The following CRPPA variants were observed in gnomAD, a reference collection of about 807,000 sequenced individuals.
CRPPA encodes the protein D-ribitol-5-phosphate cytidylyltransferase.
A neutral mutation model predicts 52.0 loss-of-function variants in CRPPA; 43 were observed. The ratio of observed to expected loss-of-function variants is 0.83; its 90% CI spans 0.65 to 1.07. The LOEUF is 1.07. Ranked by LOEUF, CRPPA falls within the 50% of genes least tolerant of loss-of-function variation. The probability of loss-of-function intolerance (pLI) is 0.00; values close to 1 mark genes in which losing one functional copy is unlikely to be tolerated. For synonymous variants in CRPPA, 250 were observed against 203.5 expected (o/e 1.23, Z -1.94); for missense variants, 629 against 551.7 (o/e 1.14, Z -1.40).
chr7:16,160,349 G>A (rs976252397), intron 9 of CRPPA, among the ~76,000 whole-genome samples: 3 of 152,154 alleles, frequency 2.0e-5, no homozygotes, highest in Non-Finnish European at 4.4e-5. Context: ...TTTGAATAAG[G>A]TATAAGGAAG....
At chr7:16,298,388 T>G (rs1000748239) in intron 5 of CRPPA, among the ~76,000 whole-genome samples, 7 of 152,160 alleles carry the variant, frequency 4.6e-5, no homozygotes, top group Admixed American at 6.5e-5. Flanking sequence ...GGCAGAGACT[T>G]GTGGTTAACA....
intron 9 of CRPPA, among the ~76,000 whole-genome samples, chr7:16,206,552 G>C (rs1360919245): frequency 1.3e-5 from 2 of 151,372 alleles, no homozygotes; most frequent in African/African-American, 2.4e-5. Flanking sequence ...TGAGCCATAA[G>C]TACAAATTCT....
At chr7:16,092,197 C>T (rs189311422) in intron 9 of CRPPA, among the ~76,000 whole-genome samples, 4 of 152,020 alleles carry the variant, frequency 2.6e-5, no homozygotes, top group East Asian at 1.9e-4. Flanking sequence ...TTGTGAGTAC[C>T]GGTATAGGGG....
chr7:16,215,403 A>C (rs1583435998), intron 9 of CRPPA, among the ~76,000 whole-genome samples: 1 of 152,320 alleles, frequency 6.6e-6, no homozygotes, highest in Admixed American at 6.5e-5. Context: ...GATTTTCCAA[A>C]TTCTTTGTTT....
Position 16,132,621 on chromosome 7 carries a change from A to G in CRPPA, c.1252-40822T>C, listed in dbSNP as rs186115148. 8.0e-3 allele frequency among the ~76,000 whole-genome samples: 1,005 copies of G among 125,070 alleles called. 157 individuals carry two copies. Among genetic ancestry groups the G allele is most frequent in the African/African-American group, 0.025 (960 of 38,616 alleles). 82.1% of individuals were successfully genotyped at this position (125,070 alleles called of 152,430 possible). A position where few individuals can be genotyped will look rare whatever the true frequency, so the allele number is the denominator to read the frequency against. ...AGTCTATAGTAGGTTTTATAATACC[A>G]TTGACTCTTGAACCACATAAGCTTG... On this transcript the variant is annotated intron_variant, in intron 9 of 9. Coordinates refer to ENST00000407010, the MANE Select transcript of CRPPA (RefSeq NM_001101426.4).
At chr7:16,408,890 G>A (rs1240730692) in intron 1 of CRPPA, among the ~76,000 whole-genome samples, 4 of 152,138 alleles carry the variant, frequency 2.6e-5, no homozygotes, top group South Asian at 2.1e-4. Flanking sequence ...AAGCCAAAGA[G>A]CATGAGTGGC....
chr7:16,358,414 C>G (rs951936066), intron 3 of CRPPA, among the ~76,000 whole-genome samples: 1 of 152,094 alleles, frequency 6.6e-6, no homozygotes, highest in East Asian at 1.9e-4. Context: ...TAGCTCTTAC[C>G]CAGTACAATT....
intron 8 of CRPPA, among the ~76,000 whole-genome samples, chr7:16,229,691 G>C (rs1193725775): frequency 6.6e-6 from 1 of 152,078 alleles, no homozygotes; most frequent in Non-Finnish European, 1.5e-5. Flanking sequence ...ATTACAGCAT[G>C]AGTATAGTGG....
chr7:16,118,064 A>G (rs1193211079), intron 9 of CRPPA, among the ~76,000 whole-genome samples: 1 of 152,168 alleles, frequency 6.6e-6, no homozygotes, highest in Non-Finnish European at 1.5e-5. Context: ...TTTCCTCAAT[A>G]AATCTTCATC....
chr7:16,319,844 C>A (rs929300733), intron 3 of CRPPA, among the ~76,000 whole-genome samples: 2 of 152,138 alleles, frequency 1.3e-5, no homozygotes, highest in African/African-American at 2.4e-5. Context: ...CTAGGGTGGT[C>A]ATAGATTAGG....
intron 9 of CRPPA, among the ~76,000 whole-genome samples, chr7:16,096,793 C>G (rs889420465): frequency 8.6e-5 from 13 of 151,968 alleles, no homozygotes; most frequent in Non-Finnish European, 1.5e-4. Flanking sequence ...AAATAGAGAC[C>G]AGCTAAAAAG....
At chr7:16,302,798 A>G (rs1166934913) in intron 4 of CRPPA, among the ~76,000 whole-genome samples, 1 of 152,110 alleles carries the variant, frequency 6.6e-6, no homozygotes, top group African/African-American at 2.4e-5. Flanking sequence ...CCAGCAAATT[A>G]GAGGATTGAA....
intron 9 of CRPPA, among the ~76,000 whole-genome samples, chr7:16,127,325 C>T (rs1198594577): frequency 6.6e-6 from 1 of 151,806 alleles, no homozygotes; most frequent in Non-Finnish European, 1.5e-5. Context: ...TGAATGTATC[C>T]TTGTACTTGA....
At position 16,301,416 on chromosome 7, in the gene CRPPA, C is replaced by A; in HGVS notation, c.835+5G>T. 1 of 1,611,204 alleles carries A rather than the reference C, an allele frequency of 6.2e-7. No individual in the cohort carries two copies. Among genetic ancestry groups the A allele is most frequent in the Non-Finnish European group, 8.5e-7 (1 of 1,177,932 alleles). ...AGGAACTGACAGTCATAAGGCCAAA[C>A]ATACCCTTAATAATCGATTCAGCCG... On this transcript the variant is annotated splice_donor_5th_base_variant and intron_variant, in intron 5 of 9. Transcript: ENST00000407010.
chr7:16,263,848 TCA>T (rs1213876568), intron 6 of CRPPA, among the ~76,000 whole-genome samples: 1 of 152,218 alleles, frequency 6.6e-6, no homozygotes, highest in Non-Finnish European at 1.5e-5. Flanking sequence ...ATATATTTGT[TCA>T]GTTACATGAT....
chr7:16,098,159 C>G (rs969023914), intron 9 of CRPPA, among the ~76,000 whole-genome samples: 1 of 152,106 alleles, frequency 6.6e-6, no homozygotes, highest in Admixed American at 6.5e-5. Context: ...TGGTGGAATG[C>G]CATCTCAAAG....
At position 16,310,328 on chromosome 7, in the gene CRPPA, G is replaced by A. The variant is rs185802853; in HGVS notation, c.685-1701C>T. ...TTATCAGAGATCCCCCAAAAAGCAA[G>A]GTCCAGCCCAGTTATGCTATAGAGA... is the stretch of plus-strand genomic sequence containing the variant. On this transcript the variant is annotated intron_variant, in intron 3 of 9. Transcript: ENST00000407010. Among the ~76,000 whole-genome samples the A allele has an allele frequency of 1.4e-3, 217 of 152,084 alleles. 1 individual carries two copies. The highest frequency in any genetic ancestry group is 5.0e-3 in the African/African-American group (208 of 41,462).
At chr7:16,391,556 CT>C (rs1224794980) in intron 2 of CRPPA, among the ~76,000 whole-genome samples, 2 of 152,160 alleles carry the variant, frequency 1.3e-5, no homozygotes, top group Non-Finnish European at 2.9e-5. Flanking sequence ...TCTCAAAGAA[CT>C]AGTCAAGTTC....
chr7:16,401,022 G>A (rs1014877540), intron 2 of CRPPA, among the ~76,000 whole-genome samples: 11 of 152,184 alleles, frequency 7.2e-5, no homozygotes, highest in African/African-American at 2.7e-4. Flanking sequence ...TCCAGAGTTT[G>A]AGGTTTCATG....
Sources: allele counts gnomAD v4.1 joint callset (sites outside exome capture counted in the v4.1 genomes callset), GRCh38; gene constraint gnomAD v4.1.1; transcripts MANE v1.5; gene names NCBI Gene and HGNC (gene_info 2026-07-23, HGNC 2026-07-21).